The following UBE3A variants were observed in gnomAD, a reference collection of about 807,000 sequenced individuals.
UBE3A encodes the protein ubiquitin protein ligase E3A.
Under a neutral mutation model 83.4 loss-of-function variants are expected in UBE3A, and 6 were observed. The observed-to-expected ratio is 0.07, with a 90% CI of 0.04 to 0.14. UBE3A has a LOEUF of 0.14. UBE3A is among the 10% of genes least tolerant of loss of function. The pLI, the probability that UBE3A is intolerant of heterozygous loss-of-function variation, is 1.00. For missense variants in UBE3A, 456 were observed against 1,036.1 expected, an observed-to-expected ratio of 0.44 and a Z score of 7.69; for synonymous variants, 337 against 355.4, an observed-to-expected ratio of 0.95 and a Z score of 0.58.
chr15:25,416,734 C>T (rs1364314003), intron 1 of UBE3A, among the ~76,000 whole-genome samples: 1 of 151,792 alleles, frequency 6.6e-6, no homozygotes, highest in Non-Finnish European at 1.5e-5. Flanking sequence ...AGAGAAAGAT[C>T]CGAAAGTATC....
intron 1 of UBE3A, among the ~76,000 whole-genome samples, chr15:25,430,556 G>A (rs1308104553): frequency 6.6e-6 from 1 of 151,350 alleles, no homozygotes; most frequent in Non-Finnish European, 1.5e-5. Flanking sequence ...CACAGGCATA[G>A]GCAGTAAAAC....
In UBE3A at chr15:25,370,221, C is replaced by A. The variant is rs1395529216; in HGVS notation, c.1608+345G>T. ...TTACTCCCAGTTCAAGACTGCACAT[C>A]CACACTTATTATTGGGTATCTCCAC... On this transcript the variant is annotated intron_variant, in intron 6 of 12. Coordinates refer to ENST00000648336, the MANE Select transcript of UBE3A (RefSeq NM_130839.5). The surrounding 1 kb of genome is among the most constrained non-coding windows in gnomAD (Gnocchi z 4.2). 6.6e-6 allele frequency among the ~76,000 whole-genome samples: 1 copy of A among 152,200 alleles called. No individual in the cohort carries two copies. Among genetic ancestry groups the A allele is most frequent in the South Asian group, 2.1e-4 (1 of 4,836 alleles).
At chr15:25,420,930 TAAAAC>T (rs987754946) in intron 1 of UBE3A, among the ~76,000 whole-genome samples, 1 of 151,888 alleles carries the variant, frequency 6.6e-6, no homozygotes, top group Non-Finnish European at 1.5e-5. Context: ...AATAAATAAA[TAAAAC>T]AAAAAGTGAT....
intron 11 of UBE3A, 113 bp from the exon 12 acceptor site, chr15:25,340,341 TA>T (rs2074536808): frequency 3.2e-6 from 4 of 1,269,386 alleles, no homozygotes; most frequent in Non-Finnish European, 4.5e-6. Context: ...GGAAGTTAAT[TA>T]TCAGGATAGT....
rs1171883011 is a variant in UBE3A, at chr15:25,337,814, A to AAATT, written c.*1319_*1322dup. On this transcript the variant is annotated 3_prime_UTR_variant, in exon 13 of 13. Transcript: ENST00000648336. ...CTTTTATTTTATAATGCAATAAAAG[A>AAATT]AATTAACAACATCACATACACAGAA... 6.6e-6 allele frequency: 1 copy of AAATT among 152,188 alleles called. No homozygotes were observed. Among genetic ancestry groups the AAATT allele is most frequent in the Admixed American group, 6.5e-5 (1 of 15,276 alleles). The allele number at this position is 152,188 out of a possible 1,614,324, so 9.4% of individuals were successfully genotyped here.
rs544607664 is a variant in UBE3A at position 25,424,973 on chromosome 15, T to C, written c.-164-13002A>G. ...AGATTCAACACAAATCCAAGTCCTATTAAAATCCCAGTTGCATTTTTTTGC... is the reference window on the plus strand; with the variant it reads ...AGATTCAACACAAATCCAAGTCCTACTAAAATCCCAGTTGCATTTTTTTGC... On this transcript the variant is annotated intron_variant, in intron 1 of 12. Transcript: ENST00000648336. Among the ~76,000 whole-genome samples, 69 of 152,274 alleles carry C rather than the reference T, an allele frequency of 4.5e-4. No homozygotes were observed. In the South Asian group the frequency reaches 7.9e-3, roughly 17 times the overall value.
chr15:25,352,428 A>C (rs1179801695), intron 11 of UBE3A, among the ~76,000 whole-genome samples: 1 of 152,220 alleles, frequency 6.6e-6, no homozygotes, highest in African/African-American at 2.4e-5. Context: ...GAGTCACACA[A>C]ATTTTTTTGT....
intron 6 of UBE3A, among the ~76,000 whole-genome samples, chr15:25,364,015 A>C (rs2078579948): frequency 6.7e-6 from 1 of 150,242 alleles, no homozygotes; most frequent in Admixed American, 6.6e-5. Flanking sequence ...AACATGATGA[A>C]ACCTTGTTTC....
At chr15:25,409,977 C>T (rs1424682198) in intron 2 of UBE3A, among the ~76,000 whole-genome samples, 2 of 150,478 alleles carry the variant, frequency 1.3e-5, no homozygotes, top group African/African-American at 4.9e-5. Flanking sequence ...GGGAACATCA[C>T]ACTCTGGGGA....
intron 3 of UBE3A, among the ~76,000 whole-genome samples, chr15:25,406,838 A>G (rs192044010): frequency 7.4e-4 from 104 of 140,942 alleles, no homozygotes; most frequent in African/African-American, 2.5e-3. Flanking sequence ...TCAGATTCCA[A>G]GGACAAGAAT....
intron 2 of UBE3A, 126 bp from the exon 3 acceptor site, chr15:25,409,333 A>G (rs2089427184): frequency 4.7e-6 from 2 of 426,954 alleles, no homozygotes; most frequent in Admixed American, 3.9e-5. Context: ...AGTAATTATT[A>G]TAGAAAAGTT....
intron 4 of UBE3A, among the ~76,000 whole-genome samples, chr15:25,384,708 T>C (rs1463522804): frequency 6.6e-6 from 1 of 152,046 alleles, no homozygotes; most frequent in African/African-American, 2.4e-5. Context: ...TGAATAGCCG[T>C]AACAATCTGG....
Position 25,371,988 on chromosome 15 carries a change from A to AT in UBE3A, c.362-177dup, listed in dbSNP as rs2080368581. Among the ~76,000 whole-genome samples, 1 of 152,028 alleles carries AT rather than the reference A, an allele frequency of 6.6e-6. No individual in the cohort carries two copies. Among genetic ancestry groups the AT allele is most frequent in the African/African-American group, 2.4e-5 (1 of 41,412 alleles). On this transcript the variant is annotated intron_variant, in intron 5 of 12. Transcript: ENST00000648336. The surrounding 1 kb of genome is among the most constrained non-coding windows in gnomAD (Gnocchi z 5.3). Reference sequence around the variant, plus strand: ...AGCAAACAAAATTTAATGCTTACCTATTTTTTTCAATGAACTACCTACCTA... The same window carrying AT: ...AGCAAACAAAATTTAATGCTTACCTATTTTTTTTCAATGAACTACCTACCTA...
At chr15:25,358,506 T>TAAAA (rs2077554524) in intron 7 of UBE3A, among the ~76,000 whole-genome samples, 2 of 152,222 alleles carry the variant, frequency 1.3e-5, no homozygotes, top group Admixed American at 1.3e-4. Context: ...TAAATCATTT[T>TAAAA]ACTACATGTT....
chr15:25,395,251 T>G (rs2085291289), intron 4 of UBE3A, among the ~76,000 whole-genome samples: 1 of 152,196 alleles, frequency 6.6e-6, no homozygotes, highest in Non-Finnish European at 1.5e-5. Flanking sequence ...CAGATTTTAC[T>G]TTTAAGATGG....
In UBE3A at chr15:25,371,777, T is replaced by G; in HGVS notation, c.397A>C (p.Ile133Leu). ...TYLTEEKVYE[I>L]LELCREREDY... Reference sequence around the variant, plus strand: ...TCTCTTTCTCTACATAATTCAAGAATTTCATATACCTTCTCTTCTGTTAAG... The same window carrying G: ...TCTCTTTCTCTACATAATTCAAGAAGTTCATATACCTTCTCTTCTGTTAAG... The change falls in exon 6 of 13, where the codon ATT (isoleucine) becomes CTT (leucine). Residue 133 changes from isoleucine to leucine, a missense_variant. By Grantham distance (5) the Ile-to-Leu change is conservative. Transcript: ENST00000648336. This position sits in a 1 kb window ranked among gnomAD's most constrained non-coding sequence, Gnocchi z 5.3. 1.9e-6 allele frequency: 3 copies of G among 1,612,274 alleles called. No homozygotes were observed. The highest frequency in any genetic ancestry group is 2.5e-6 in the Non-Finnish European group (3 of 1,179,890).
intron 7 of UBE3A, among the ~76,000 whole-genome samples, chr15:25,359,418 CGTGTGTGTGTGTGT>C (rs60677664): frequency 0.039 from 5,471 of 139,008 alleles, 254 homozygotes; most frequent in African/African-American, 0.11. Flanking sequence ...ATAAGGGATG[CGTGTGTGTGTGTGT>C]GTGTGTGTGT....
intron 11 of UBE3A, among the ~76,000 whole-genome samples, chr15:25,342,428 T>G (rs886662879): frequency 6.6e-6 from 1 of 151,724 alleles, no homozygotes; most frequent in African/African-American, 2.4e-5. Context: ...CTTTAAAAAT[T>G]TTATACAATG....
chr15:25,419,470 T>C (rs911067736), intron 1 of UBE3A: 1 of 152,032 alleles, frequency 6.6e-6, no homozygotes. Flanking sequence ...AAACAAAAGC[T>C]GAAAGATTTT....
Sources: gnomAD v4.1 joint callset for allele counts (sites outside exome capture counted in the v4.1 genomes callset) on GRCh38, gnomAD v4.1.1 for gene constraint, Gnocchi (gnomAD v3.1) non-coding constraint, MANE v1.5 for transcripts, NCBI Gene and HGNC (gene_info 2026-07-23, HGNC 2026-07-21) for gene names.